RAD18: variants seen among roughly 807,000 people sequenced by gnomAD.
The protein encoded by RAD18 is RAD18 E3 ubiquitin protein ligase.
RAD18 carries 47 observed loss-of-function variants against 60.4 expected under a neutral mutation model. That is an observed-to-expected ratio of 0.78 (90% CI 0.62 to 0.99). The LOEUF is 0.99. Ranked by LOEUF, RAD18 falls within the 50% of genes least tolerant of loss-of-function variation. RAD18 has a pLI of 0.00. For missense variants in RAD18, 640 were observed against 593.3 expected, an observed-to-expected ratio of 1.08 and a Z score of -0.82; for synonymous variants, 225 against 195.5, an observed-to-expected ratio of 1.15 and a Z score of -1.26.
At chr3:8,958,256 C>A (rs1941042193) in intron 2 of RAD18, among the ~76,000 whole-genome samples, 1 of 152,076 alleles carries the variant, frequency 6.6e-6, no homozygotes, top group South Asian at 2.1e-4. Context: ...TTTAACTTTC[C>A]AAGATAAATC....
In RAD18 at chr3:8,935,902, A is replaced by C; in HGVS notation, c.858T>G (p.Asn286Lys). Residue 286 changes from asparagine (N) to lysine (K), a missense_variant, in exon 7 of 13, where the codon AAT (asparagine) becomes AAG (lysine). Physicochemically the swap from Asn to Lys is moderately conservative, Grantham distance 94 (BLOSUM62 0). Transcript: ENST00000264926. ...KRHQEFVHMY[N>K]AQCDALHPKS... ...TAGGATGCAAAGCATCGCATTGGGC[A>C]TTGTACATGTGTACAAATTCTTGGT... 1 of 1,605,822 alleles carries C rather than the reference A, an allele frequency of 6.2e-7. No homozygotes were observed. The highest frequency in any genetic ancestry group is 8.5e-7 in the Non-Finnish European group (1 of 1,176,932).
chr3:8,928,049 T>TGAAAAA (rs1443978506), intron 7 of RAD18, among the ~76,000 whole-genome samples: 1 of 121,734 alleles, frequency 8.2e-6, no homozygotes, highest in African/African-American at 2.8e-5. Context: ...CCCTAAAACT[T>TGAAAAA]AAAAAAAAAA....
intron 4 of RAD18, among the ~76,000 whole-genome samples, chr3:8,945,439 GC>G (rs1412306710): frequency 6.7e-6 from 1 of 150,088 alleles, no homozygotes; most frequent in Non-Finnish European, 1.5e-5. Flanking sequence ...CCCTGTGTGG[GC>G]CTAGGCTAAT....
intron 9 of RAD18, among the ~76,000 whole-genome samples, chr3:8,910,535 G>A (rs1940089355): frequency 6.6e-6 from 1 of 151,890 alleles, no homozygotes; most frequent in Non-Finnish European, 1.5e-5. Flanking sequence ...GTGAACCCAG[G>A]AGGCAGAGCT....
chr3:8,944,616 G>C (rs1159496236), intron 4 of RAD18, among the ~76,000 whole-genome samples: 1 of 145,916 alleles, frequency 6.9e-6, no homozygotes, highest in Non-Finnish European at 1.5e-5. Flanking sequence ...AAGGAGGAGG[G>C]AGGGAGAAAG....
chr3:8,881,518 C>T, intron 12 of RAD18, 59 bp from the exon 13 acceptor site: 1 of 1,371,152 alleles, frequency 7.3e-7, no homozygotes, highest in Non-Finnish European at 1.0e-6. Flanking sequence ...ACAGCAGTTT[C>T]TAGTTTACAA....
chr3:8,938,852 C>T (rs891964842), intron 6 of RAD18, among the ~76,000 whole-genome samples: 5 of 152,156 alleles, frequency 3.3e-5, no homozygotes, highest in African/African-American at 7.2e-5. Context: ...CCACTGATTC[C>T]GTAATGCCTT....
At chr3:8,902,264 T>C (rs1311048627) in intron 10 of RAD18, 116 bp downstream of exon 10, 1 of 996,710 alleles carries the variant, frequency 1.0e-6, no homozygotes, top group African/African-American at 1.7e-5. Flanking sequence ...TAAAAATACT[T>C]TTTCTCATTT....
intron 4 of RAD18, among the ~76,000 whole-genome samples, chr3:8,943,096 T>C (rs1221219490): frequency 6.6e-6 from 1 of 152,204 alleles, no homozygotes; most frequent in African/African-American, 2.4e-5. Context: ...GATGAAGAGC[T>C]GATAATTTAA....
At chr3:8,924,622 C>G (rs1392167001) in intron 7 of RAD18, among the ~76,000 whole-genome samples, 1 of 133,132 alleles carries the variant, frequency 7.5e-6, no homozygotes, top group Admixed American at 8.0e-5. Flanking sequence ...CTTCTCAGCA[C>G]CACATCACAC....
intron 1 of RAD18, 137 bp from the exon 2 acceptor site, chr3:8,959,138 T>C: frequency 1.4e-6 from 1 of 699,092 alleles, no homozygotes; most frequent in Non-Finnish European, 2.6e-6. Context: ...TAACTCCAGA[T>C]AAACTGCAAG....
At chr3:8,937,126 C>G (rs1940666956) in intron 6 of RAD18, among the ~76,000 whole-genome samples, 1 of 152,132 alleles carries the variant, frequency 6.6e-6, no homozygotes, top group African/African-American at 2.4e-5. Flanking sequence ...AATGACAACC[C>G]ATCTGACTCT....
intron 6 of RAD18, among the ~76,000 whole-genome samples, chr3:8,936,833 G>C (rs1236195117): frequency 3.9e-5 from 6 of 152,096 alleles, no homozygotes; most frequent in Non-Finnish European, 2.9e-5. Flanking sequence ...CCACCAATTA[G>C]GGTTCAGGTC....
Position 8,939,567 on chromosome 3 carries a change from CCTT to C in RAD18, c.688_690del (p.Lys230del), listed in dbSNP as rs1329190764. On this transcript the variant is annotated inframe_deletion, in exon 6 of 13. Coordinates refer to ENST00000264926, the MANE Select transcript of RAD18 (RefSeq NM_020165.4). Reference sequence around the variant, plus strand: ...CAACTTCCTTACCTTCTGAGGCTTTCCTTCTTCTCTTCGCGTGATAAACAGCTG... The same window carrying C: ...CAACTTCCTTACCTTCTGAGGCTTTCCTTCTCTTCGCGTGATAAACAGCTG... 1.2e-6 allele frequency: 2 copies of C among 1,612,342 alleles called. No individual in the cohort carries two copies. The highest frequency in any genetic ancestry group is 1.7e-6 in the Non-Finnish European group (2 of 1,178,720).
At chr3:8,901,990 T>C (rs1939920509) in intron 10 of RAD18, among the ~76,000 whole-genome samples, 1 of 152,240 alleles carries the variant, frequency 6.6e-6, no homozygotes, top group Non-Finnish European at 1.5e-5. Flanking sequence ...CCAGGTATGT[T>C]AACTTTAGAC....
chr3:8,917,131 A>G (rs1329358003), intron 7 of RAD18, among the ~76,000 whole-genome samples: 1 of 152,174 alleles, frequency 6.6e-6, no homozygotes, highest in Non-Finnish European at 1.5e-5. Flanking sequence ...TTCTCATCAG[A>G]AATTATTCAA....
intron 12 of RAD18, among the ~76,000 whole-genome samples, chr3:8,884,101 G>A (rs377005682): frequency 1.6e-4 from 25 of 152,166 alleles, no homozygotes; most frequent in Middle Eastern, 6.3e-3. Flanking sequence ...CTCCAACCCC[G>A]CTCTGCCTTC....
chr3:8,944,538 A>G (rs1940808062), intron 4 of RAD18, among the ~76,000 whole-genome samples: 1 of 149,232 alleles, frequency 6.7e-6, no homozygotes, highest in Non-Finnish European at 1.5e-5. Flanking sequence ...GAAGAGAGGA[A>G]AGGGAGGAAG....
At chr3:8,902,289 C>T in intron 10 of RAD18, 91 bp downstream of exon 10, 2 of 1,243,976 alleles carry the variant, frequency 1.6e-6, no homozygotes, top group Admixed American at 6.0e-5. Context: ...GAACTAAGAA[C>T]TCCAAAGTAA....
Sources: gnomAD v4.1 joint callset for allele counts (sites outside exome capture counted in the v4.1 genomes callset) on GRCh38, gnomAD v4.1.1 for gene constraint, MANE v1.5 for transcripts, NCBI Gene and HGNC (gene_info 2026-07-23, HGNC 2026-07-21) for gene names.